Variants in DNER observed in about 807,000 individuals in gnomAD.
DNER encodes delta and Notch-like epidermal growth factor-related receptor.
A neutral mutation model predicts 78.2 loss-of-function variants in DNER; 33 were observed. The ratio of observed to expected loss-of-function variants is 0.42; its 90% CI spans 0.32 to 0.56. The LOEUF is 0.56. DNER is among the 20% of genes least tolerant of loss of function. The probability of loss-of-function intolerance (pLI) is 0.11; values close to 1 mark genes in which losing one functional copy is unlikely to be tolerated. For synonymous variants in DNER, 417 were observed against 384.8 expected (o/e 1.08, Z -0.98); for missense variants, 918 against 975.3 (o/e 0.94, Z 0.78).
chr2:229,434,662 A>G (rs1266636456), intron 8 of DNER, among the ~76,000 whole-genome samples: 2 of 152,146 alleles, frequency 1.3e-5, no homozygotes, highest in African/African-American at 2.4e-5. Flanking sequence ...GTGACTTAAG[A>G]TTCTAGGAGA....
intron 7 of DNER, among the ~76,000 whole-genome samples, chr2:229,471,591 T>C (rs1357348301): frequency 6.6e-6 from 1 of 152,158 alleles, no homozygotes; most frequent in Non-Finnish European, 1.5e-5. Flanking sequence ...CCCTTAAAGG[T>C]AGTAGTCAAC....
At chr2:229,664,926 T>C (rs1699063261) in intron 1 of DNER, among the ~76,000 whole-genome samples, 1 of 152,208 alleles carries the variant, frequency 6.6e-6, no homozygotes, top group South Asian at 2.1e-4. Context: ...ATATAATACT[T>C]ATTCCAGAGA....
intron 5 of DNER, among the ~76,000 whole-genome samples, chr2:229,536,580 G>A (rs1349132487): frequency 6.6e-6 from 1 of 152,122 alleles, no homozygotes; most frequent in Non-Finnish European, 1.5e-5. Context: ...TGAAAAATAG[G>A]ACAAAGGTAT....
At chr2:229,450,859 C>T (rs988739470) in intron 7 of DNER, among the ~76,000 whole-genome samples, 1 of 152,204 alleles carries the variant, frequency 6.6e-6, no homozygotes, top group African/African-American at 2.4e-5. Context: ...AAAAAGATGT[C>T]TGTTGTTTAA....
chr2:229,564,704 T>C (rs1285175289), intron 4 of DNER, among the ~76,000 whole-genome samples: 1 of 151,546 alleles, frequency 6.6e-6, no homozygotes, highest in East Asian at 1.9e-4. Context: ...ATCACCATCA[T>C]CATCAACATC....
intron 1 of DNER, among the ~76,000 whole-genome samples, chr2:229,635,232 G>A (rs552767140): frequency 2.0e-5 from 3 of 152,186 alleles, no homozygotes; most frequent in South Asian, 4.2e-4. Flanking sequence ...CAGCAACCAA[G>A]GGGTTCATGC....
At chr2:229,562,005 A>T (rs1371664837) in intron 4 of DNER, among the ~76,000 whole-genome samples, 1 of 152,202 alleles carries the variant, frequency 6.6e-6, no homozygotes, top group Non-Finnish European at 1.5e-5. Context: ...GTTTGCATCC[A>T]GAGATGGAAC....
intron 5 of DNER, among the ~76,000 whole-genome samples, chr2:229,533,416 G>A (rs970755026): frequency 1.3e-5 from 2 of 152,158 alleles, no homozygotes; most frequent in South Asian, 2.1e-4. Context: ...AGGCAAAGCC[G>A]CGGCTTTGAA....
At chr2:229,509,806 A>T (rs1216002198) in intron 6 of DNER, among the ~76,000 whole-genome samples, 1 of 152,126 alleles carries the variant, frequency 6.6e-6, no homozygotes, top group Admixed American at 6.5e-5. Context: ...CAAGAGCAAG[A>T]CTCTGTCTCA....
At chr2:229,602,994 G>A (rs1697860817) in intron 1 of DNER, among the ~76,000 whole-genome samples, 1 of 152,174 alleles carries the variant, frequency 6.6e-6, no homozygotes, top group Admixed American at 6.5e-5. Context: ...TGGTAATTAG[G>A]ATAGCATGAC....
intron 1 of DNER, among the ~76,000 whole-genome samples, chr2:229,695,357 A>C (rs942037774): frequency 6.6e-6 from 1 of 152,212 alleles, no homozygotes; most frequent in African/African-American, 2.4e-5. Context: ...CCTAGCATGT[A>C]ACCCTTCATG....
At chr2:229,615,518 G>A (rs1371637404) in intron 1 of DNER, among the ~76,000 whole-genome samples, 1 of 151,812 alleles carries the variant, frequency 6.6e-6, no homozygotes, top group African/African-American at 2.4e-5. Flanking sequence ...GACCATCCTG[G>A]CTAACATGGT....
intron 8 of DNER, among the ~76,000 whole-genome samples, chr2:229,419,862 T>C (rs764542368): frequency 1.3e-5 from 2 of 150,356 alleles, no homozygotes; most frequent in Non-Finnish European, 3.0e-5. Context: ...CATTTGAAAA[T>C]GTTTGGAGAC....
At chr2:229,500,769 C>T (rs1050892810) in intron 6 of DNER, among the ~76,000 whole-genome samples, 2 of 146,526 alleles carry the variant, frequency 1.4e-5, no homozygotes, top group Non-Finnish European at 3.1e-5. Flanking sequence ...TAGGTTATGG[C>T]GATATGTAAG....
In DNER at chr2:229,544,619, G is replaced by A. The variant is rs190639699; in HGVS notation, c.993+2328C>T. Among the ~76,000 whole-genome samples, 669 of 151,764 alleles carry A rather than the reference G, an allele frequency of 4.4e-3. 6 individuals are homozygous for A. The highest frequency in any genetic ancestry group is 5.5e-3 in the Non-Finnish European group (371 of 67,884). On this transcript the variant is annotated intron_variant, in intron 5 of 12. Coordinates refer to ENST00000341772, the MANE Select transcript of DNER (RefSeq NM_139072.4). Reference sequence around the variant, plus strand: ...ACAATCTTGGCTCACTGCAACCTCCGCCTTCTGGATTCAAGCATTTCTCCT... The same window carrying A: ...ACAATCTTGGCTCACTGCAACCTCCACCTTCTGGATTCAAGCATTTCTCCT...
Position 229,399,459 on chromosome 2 carries a change from T to C in DNER, c.1723+7773A>G, listed in dbSNP as rs369534622. Reference sequence around the variant, plus strand: ...TGGAAAACTCCAAATAGTAAAGATATTGATTCTTCCCCAAATTGATATACT... The same window carrying C: ...TGGAAAACTCCAAATAGTAAAGATACTGATTCTTCCCCAAATTGATATACT... On this transcript the variant is annotated intron_variant, in intron 10 of 12. Coordinates refer to ENST00000341772, the MANE Select transcript of DNER (RefSeq NM_139072.4). Among the ~76,000 whole-genome samples, 27 of 152,152 alleles carry C rather than the reference T, an allele frequency of 1.8e-4. No homozygotes were observed. In the East Asian group the frequency reaches 4.8e-3, roughly 27 times the overall value.
Position 229,686,781 on chromosome 2 carries a change from G to A in DNER, c.276+27367C>T, listed in dbSNP as rs367587969. On this transcript the variant is annotated intron_variant, in intron 1 of 12. Transcript: ENST00000341772. ...GAACCTCCTGACTGTCCTTAAAACC[G>A]TAAGCCAAACAGGTGGCTTTAATTG... 3.2e-4 allele frequency among the ~76,000 whole-genome samples: 49 copies of A among 152,300 alleles called. 1 individual carries two copies. Among genetic ancestry groups the A allele is most frequent in the Admixed American group, 9.2e-4 (14 of 15,294 alleles).
chr2:229,375,051 G>T (rs1255484495), intron 11 of DNER, among the ~76,000 whole-genome samples: 1 of 152,098 alleles, frequency 6.6e-6, no homozygotes, highest in Non-Finnish European at 1.5e-5. Flanking sequence ...AGTCAAGATC[G>T]AATCACATCA....
intron 10 of DNER, among the ~76,000 whole-genome samples, chr2:229,390,064 C>T (rs1385939593): frequency 6.6e-6 from 1 of 152,182 alleles, no homozygotes; most frequent in Non-Finnish European, 1.5e-5. Flanking sequence ...CAGGAACATG[C>T]TGAGAAATGT....
Sources: allele counts gnomAD v4.1 joint callset (sites outside exome capture counted in the v4.1 genomes callset), GRCh38; gene constraint gnomAD v4.1.1; transcripts MANE v1.5; gene names NCBI Gene and HGNC (gene_info 2026-07-23, HGNC 2026-07-21).